The following KIF26B variants were observed in gnomAD, a reference collection of about 807,000 sequenced individuals.
The protein encoded by KIF26B is kinesin-like protein KIF26B.
In KIF26B, 63 loss-of-function variants were observed where a neutral mutation model predicts 151.2. The observed-to-expected ratio is 0.42, with a 90% CI of 0.34 to 0.51. The LOEUF (loss-of-function observed/expected upper bound fraction) is 0.51, where lower values mean the gene tolerates loss of function less well. Among genes scored for constraint, KIF26B ranks in the 20% least tolerant of loss-of-function variants. The probability of loss-of-function intolerance (pLI) is 0.07; values close to 1 mark genes in which losing one functional copy is unlikely to be tolerated. For missense variants in KIF26B, 2,813 were observed against 2,913.6 expected (o/e 0.97, Z 0.79); for synonymous variants, 1,357 against 1,262.1 (o/e 1.08, Z -1.59).
intron 3 of KIF26B, among the ~76,000 whole-genome samples, chr1:245,398,871 A>G (rs1307119193): frequency 6.6e-6 from 1 of 151,980 alleles, no homozygotes; most frequent in Non-Finnish European, 1.5e-5. Context: ...TATTCACTGT[A>G]CTCCGTTAGC....
At chr1:245,325,386 C>A (rs1671969706) in intron 2 of KIF26B, among the ~76,000 whole-genome samples, 1 of 152,222 alleles carries the variant, frequency 6.6e-6, no homozygotes, top group East Asian at 1.9e-4. Flanking sequence ...CTGCATGCCA[C>A]CTTGTCCTCA....
intron 4 of KIF26B, among the ~76,000 whole-genome samples, chr1:245,515,736 A>G (rs1660947916): frequency 6.6e-6 from 1 of 152,204 alleles, no homozygotes; most frequent in Non-Finnish European, 1.5e-5. Context: ...TATGTGGGCT[A>G]GAACCTCTGA....
chr1:245,310,123 A>G (rs1378092199), intron 2 of KIF26B, among the ~76,000 whole-genome samples: 1 of 148,902 alleles, frequency 6.7e-6, no homozygotes, highest in Non-Finnish European at 1.5e-5. Flanking sequence ...CTATATATAA[A>G]TATCTCTCAC....
intron 4 of KIF26B, among the ~76,000 whole-genome samples, chr1:245,436,982 G>A (rs1658951150): frequency 6.6e-6 from 1 of 150,714 alleles, no homozygotes; most frequent in Non-Finnish European, 1.5e-5. Flanking sequence ...CACCTCCTGG[G>A]TTCAAGTGAT....
At chr1:245,436,168 C>G (rs1658926285) in intron 4 of KIF26B, among the ~76,000 whole-genome samples, 1 of 149,264 alleles carries the variant, frequency 6.7e-6, no homozygotes, top group Admixed American at 6.7e-5. Context: ...CAGAGTGAGA[C>G]TCTGTCTCAA....
chr1:245,525,210 A>G (rs1661211744), intron 4 of KIF26B, among the ~76,000 whole-genome samples: 1 of 152,204 alleles, frequency 6.6e-6, no homozygotes, highest in Non-Finnish European at 1.5e-5. Context: ...ACTCTAAATG[A>G]AGATCTAAGC....
intron 5 of KIF26B, among the ~76,000 whole-genome samples, chr1:245,558,033 A>G (rs1662078136): frequency 6.6e-6 from 1 of 152,154 alleles, no homozygotes; most frequent in Non-Finnish European, 1.5e-5. Context: ...TATGGAACGG[A>G]TGACTGCTTA....
rs935002043 is a variant in KIF26B at position 245,464,502 on chromosome 1, C to A, written c.1166+44757C>A. Among the ~76,000 whole-genome samples the A allele has an allele frequency of 3.2e-5, 4 of 126,820 alleles. No homozygotes were observed. In the East Asian group the frequency reaches 9.5e-4, roughly 30 times the overall value. 83.2% of individuals were successfully genotyped at this position (126,820 alleles called of 152,430 possible). ...GTGTGTGCCCGTGGGTGTGTGTGGG[C>A]GTGTGCATGTGTGGATGTGTGGCAC... On this transcript the variant is annotated intron_variant, in intron 4 of 14. Transcript: ENST00000407071.
At chr1:245,647,942 G>C (rs1380658130) in intron 10 of KIF26B, among the ~76,000 whole-genome samples, 2 of 152,182 alleles carry the variant, frequency 1.3e-5, no homozygotes, top group African/African-American at 2.4e-5. Context: ...AGAATATTCT[G>C]AGTTGAAGAA....
chr1:245,369,272 C>T lies in KIF26B; in HGVS notation c.999+1905C>T, dbSNP rs562054016. 5.9e-5 allele frequency among the ~76,000 whole-genome samples: 9 copies of T among 152,236 alleles called. 1 individual carries two copies. The highest frequency in any genetic ancestry group is 7.4e-5 in the Non-Finnish European group (5 of 68,002). On this transcript the variant is annotated intron_variant, in intron 3 of 14. Coordinates refer to ENST00000407071, the MANE Select transcript of KIF26B (RefSeq NM_018012.4). ...GTGAAGCTGGGGAAGCCAATCTACC[C>T]GTGAGCCCAGGAGAAAAAGGAACAA...
At chr1:245,434,907 C>T (rs918526074) in intron 4 of KIF26B, among the ~76,000 whole-genome samples, 1 of 152,140 alleles carries the variant, frequency 6.6e-6, no homozygotes, top group Non-Finnish European at 1.5e-5. Flanking sequence ...TACCAGCACC[C>T]TCATCCTTGT....
intron 9 of KIF26B, among the ~76,000 whole-genome samples, chr1:245,624,167 G>A (rs116475237): frequency 0.016 from 2,505 of 151,938 alleles, 31 homozygotes; most frequent in South Asian, 0.052. Context: ...CCAGTCTCAG[G>A]TAGTTATTTA....
At chr1:245,556,549 A>G (rs768869089) in intron 5 of KIF26B, among the ~76,000 whole-genome samples, 13 of 152,074 alleles carry the variant, frequency 8.5e-5, no homozygotes, top group Non-Finnish European at 1.5e-4. Flanking sequence ...ACCAGCATGC[A>G]CCACCACGCC....
chr1:245,476,514 A>G (rs1337581010), intron 4 of KIF26B, among the ~76,000 whole-genome samples: 1 of 124,944 alleles, frequency 8.0e-6, no homozygotes, highest in Non-Finnish European at 1.8e-5. Context: ...TTATTTATTT[A>G]TTTATTTATT....
At chr1:245,296,175 CT>C (rs5782333) in intron 2 of KIF26B, among the ~76,000 whole-genome samples, 163 of 147,026 alleles carry the variant, frequency 1.1e-3, no homozygotes, top group African/African-American at 3.0e-3. Context: ...CACGTTTTGT[CT>C]TTTTTTTTTT....
chr1:245,675,945 G>T (rs2044352403), intron 10 of KIF26B, among the ~76,000 whole-genome samples: 1 of 152,080 alleles, frequency 6.6e-6, no homozygotes, highest in Non-Finnish European at 1.5e-5. Flanking sequence ...AATAATTGAG[G>T]CTATTCAGAA....
intron 3 of KIF26B, among the ~76,000 whole-genome samples, chr1:245,403,898 A>G (rs563492015): frequency 9.5e-4 from 144 of 152,326 alleles, no homozygotes; most frequent in African/African-American, 3.4e-3. Flanking sequence ...TGTCCATGCT[A>G]ACAAGGGCTT....
At chr1:245,459,051 G>C (rs1414658778) in intron 4 of KIF26B, among the ~76,000 whole-genome samples, 1 of 152,138 alleles carries the variant, frequency 6.6e-6, no homozygotes, top group Admixed American at 6.5e-5. Flanking sequence ...CTTACCAAAG[G>C]ACTTACTGCA....
At chr1:245,344,622 C>T (rs973243598) in intron 2 of KIF26B, among the ~76,000 whole-genome samples, 1 of 151,596 alleles carries the variant, frequency 6.6e-6, no homozygotes, top group Non-Finnish European at 1.5e-5. Context: ...TTCTCTGCTT[C>T]AGTAATTGCC....
Sources: gnomAD v4.1 joint callset for allele counts (sites outside exome capture counted in the v4.1 genomes callset) on GRCh38, gnomAD v4.1.1 for gene constraint, MANE v1.5 for transcripts, NCBI Gene and HGNC (gene_info 2026-07-23, HGNC 2026-07-21) for gene names.